DYNC1I1: variants seen among roughly 807,000 people sequenced by gnomAD.
DYNC1I1 encodes the protein cytoplasmic dynein 1 intermediate chain 1.
In DYNC1I1, 43 loss-of-function variants were observed where a neutral mutation model predicts 86.6. The ratio of observed to expected loss-of-function variants is 0.50; its 90% CI spans 0.39 to 0.64. The LOEUF (loss-of-function observed/expected upper bound fraction) is 0.64. Ranked by LOEUF, DYNC1I1 falls within the 30% of genes least tolerant of loss-of-function variation. The pLI, the probability that DYNC1I1 is intolerant of heterozygous loss-of-function variation, is 0.00. For synonymous variants in DYNC1I1, 262 were observed against 283.7 expected, an observed-to-expected ratio of 0.92 and a Z score of 0.77; for missense variants, 604 against 788.8, an observed-to-expected ratio of 0.77 and a Z score of 2.81.
intron 6 of DYNC1I1, among the ~76,000 whole-genome samples, chr7:95,937,180 A>G (rs949135456): frequency 3.2e-4 from 49 of 151,982 alleles, no homozygotes; most frequent in African/African-American, 1.2e-3. Flanking sequence ...GAAAATGGGG[A>G]GATGTTGGTT....
At chr7:95,944,930 G>A (rs938382184) in intron 6 of DYNC1I1, among the ~76,000 whole-genome samples, 43 of 150,930 alleles carry the variant, frequency 2.8e-4, no homozygotes, top group African/African-American at 1.0e-3. Context: ...GCTAAATGAC[G>A]AGTTAATGGG....
At chr7:95,894,107 C>T (rs1790812985) in intron 6 of DYNC1I1, among the ~76,000 whole-genome samples, 1 of 151,738 alleles carries the variant, frequency 6.6e-6, no homozygotes, top group South Asian at 2.1e-4. Flanking sequence ...CCTGCCCTTC[C>T]CTCATCCACC....
intron 9 of DYNC1I1, among the ~76,000 whole-genome samples, chr7:95,994,139 T>G (rs560508636): frequency 2.6e-5 from 4 of 152,294 alleles, no homozygotes; most frequent in African/African-American, 9.6e-5. Flanking sequence ...TTAGCATTGT[T>G]TGACAACAAA....
chr7:95,937,505 CAAA>C (rs147821735), intron 6 of DYNC1I1, among the ~76,000 whole-genome samples: 2 of 136,244 alleles, frequency 1.5e-5, no homozygotes, highest in African/African-American at 2.6e-5. Context: ...AATCTTCGTT[CAAA>C]AAAAAAAAAG....
At chr7:95,807,851 T>C (rs962954860) in intron 2 of DYNC1I1, among the ~76,000 whole-genome samples, 3 of 152,182 alleles carry the variant, frequency 2.0e-5, no homozygotes, top group African/African-American at 7.2e-5. Context: ...CCTTCACTTG[T>C]CTTTTTCTCT....
chr7:95,918,492 A>G (rs1324564490), intron 6 of DYNC1I1, among the ~76,000 whole-genome samples: 1 of 152,160 alleles, frequency 6.6e-6, no homozygotes, highest in Non-Finnish European at 1.5e-5. Context: ...TCATGAGGGA[A>G]ATTGTGGAAG....
chr7:95,918,135 C>T (rs1338848638), intron 6 of DYNC1I1, among the ~76,000 whole-genome samples: 1 of 152,164 alleles, frequency 6.6e-6, no homozygotes, highest in African/African-American at 2.4e-5. Context: ...TTTCTGCCTC[C>T]GTTTCCCTGT....
In DYNC1I1 at chr7:95,967,202, A is replaced by G. The variant is rs115515218; in HGVS notation, c.491-10310A>G. Among the ~76,000 whole-genome samples the G allele has an allele frequency of 3.1e-3, 468 of 152,336 alleles. 4 individuals are homozygous for G. Among genetic ancestry groups the G allele is most frequent in the African/African-American group, 0.011 (443 of 41,588 alleles). ...TACTTACAATTTATATATCATAGCT[A>G]GAGAATGATAAATGCCATAATCTTA... On this transcript the variant is annotated intron_variant, in intron 6 of 16. Coordinates refer to ENST00000447467, the MANE Select transcript of DYNC1I1 (RefSeq NM_001135556.2).
At chr7:95,791,827 T>G (rs913216178) in intron 1 of DYNC1I1, among the ~76,000 whole-genome samples, 1 of 152,180 alleles carries the variant, frequency 6.6e-6, no homozygotes, top group Non-Finnish European at 1.5e-5. Flanking sequence ...GTTGAATGGA[T>G]GAGACAATGT....
intron 6 of DYNC1I1, among the ~76,000 whole-genome samples, chr7:95,899,674 G>A (rs1790982697): frequency 6.6e-6 from 1 of 152,188 alleles, no homozygotes; most frequent in Non-Finnish European, 1.5e-5. Flanking sequence ...AAAATCACAG[G>A]TAAGGATAAT....
chr7:96,008,824 TA>T (rs1488306384), intron 10 of DYNC1I1, among the ~76,000 whole-genome samples: 1 of 152,226 alleles, frequency 6.6e-6, no homozygotes, highest in Non-Finnish European at 1.5e-5. Flanking sequence ...ATTTTGAATT[TA>T]AATATATTCT....
chr7:95,918,099 G>T (rs971760805), intron 6 of DYNC1I1, among the ~76,000 whole-genome samples: 2 of 152,114 alleles, frequency 1.3e-5, no homozygotes, highest in African/African-American at 2.4e-5. Context: ...AGGCTTGCTG[G>T]GTGGCCTTCA....
At chr7:95,882,194 A>G (rs1790471231) in intron 6 of DYNC1I1, among the ~76,000 whole-genome samples, 1 of 152,212 alleles carries the variant, frequency 6.6e-6, no homozygotes, top group African/African-American at 2.4e-5. Context: ...TTGTGAAGAT[A>G]AAATGACAAA....
At chr7:95,843,117 T>G (rs568362817) in intron 5 of DYNC1I1, among the ~76,000 whole-genome samples, 50 of 152,302 alleles carry the variant, frequency 3.3e-4, no homozygotes, top group African/African-American at 1.2e-3. Context: ...TTTTCCAGTT[T>G]GACTGGCGTG....
intron 6 of DYNC1I1, among the ~76,000 whole-genome samples, chr7:95,950,348 G>T (rs1264848550): frequency 6.6e-6 from 1 of 152,130 alleles, no homozygotes; most frequent in East Asian, 1.9e-4. Flanking sequence ...TTGATTTGGT[G>T]TGTGGTTTTT....
At chr7:95,811,827 G>A in intron 3 of DYNC1I1, among the ~76,000 whole-genome samples, 1 of 152,050 alleles carries the variant, frequency 6.6e-6, no homozygotes, top group Middle Eastern at 3.2e-3. Flanking sequence ...TAGACACATT[G>A]CAATCAATTA....
downstream of DYNC1I1, among the ~76,000 whole-genome samples, chr7:96,100,309 C>T (rs563014498): frequency 6.6e-6 from 1 of 152,044 alleles, no homozygotes; most frequent in South Asian, 2.1e-4. Context: ...TGACTTTCTT[C>T]TCTTCCTCCC....
chr7:95,847,935 A>T (rs1452056332), intron 5 of DYNC1I1, among the ~76,000 whole-genome samples: 1 of 151,844 alleles, frequency 6.6e-6, no homozygotes, highest in Non-Finnish European at 1.5e-5. Context: ...TATGTGACTC[A>T]CCCATGTTGG....
At chr7:95,914,883 A>G (rs1791428254) in intron 6 of DYNC1I1, among the ~76,000 whole-genome samples, 1 of 152,188 alleles carries the variant, frequency 6.6e-6, no homozygotes, top group East Asian at 1.9e-4. Flanking sequence ...ATGTCCTAAA[A>G]GGGAAACTGA....
Sources: allele counts gnomAD v4.1 joint callset (sites outside exome capture counted in the v4.1 genomes callset), GRCh38; gene constraint gnomAD v4.1.1; transcripts MANE v1.5; gene names NCBI Gene and HGNC (gene_info 2026-07-23, HGNC 2026-07-21).